Variants in TBC1D8 observed in about 807,000 individuals in gnomAD.
TBC1D8 encodes TBC1 domain family member 8, also known as BUB2-like protein 1.
TBC1D8 carries 65 observed loss-of-function variants against 118.8 expected under a neutral mutation model. The observed-to-expected ratio is 0.55, with a 90% confidence interval of 0.45 to 0.67. The LOEUF is 0.67. Ranked by LOEUF, TBC1D8 falls within the 30% of genes least tolerant of loss-of-function variation. The probability of loss-of-function intolerance (pLI) is 0.00; values close to 1 mark genes in which losing one functional copy is unlikely to be tolerated. For missense variants in TBC1D8, 1,376 were observed against 1,471.2 expected (o/e 0.94, Z 1.06); for synonymous variants, 566 against 595.8 (o/e 0.95, Z 0.73).
intron 1 of TBC1D8, among the ~76,000 whole-genome samples, chr2:101,110,257 C>G (rs150047191): frequency 7.6e-4 from 115 of 152,316 alleles, no homozygotes; most frequent in African/African-American, 2.6e-3. Flanking sequence ...CTCAGAGAAG[C>G]CTTCCCATGG....
At chr2:101,031,453 G>T (rs1031794807) in intron 11 of TBC1D8, among the ~76,000 whole-genome samples, 13 of 152,208 alleles carry the variant, frequency 8.5e-5, no homozygotes, top group African/African-American at 3.1e-4. Context: ...ATATCCACTC[G>T]GTTGCTAAAT....
At chr2:101,087,073 C>G (rs996914036) in intron 2 of TBC1D8, among the ~76,000 whole-genome samples, 7 of 152,026 alleles carry the variant, frequency 4.6e-5, no homozygotes, top group African/African-American at 1.4e-4. Context: ...AGTGAGCCAC[C>G]GCGCCCGGCT....
chr2:101,089,084 C>G (rs1675835022), intron 2 of TBC1D8, among the ~76,000 whole-genome samples: 1 of 152,166 alleles, frequency 6.6e-6, no homozygotes, highest in South Asian at 2.1e-4. Flanking sequence ...CGTGGTGGCT[C>G]ATGCCTGTAA....
rs1680560548 is a variant in TBC1D8, at chr2:101,029,692, G to GC, written c.2020dup (p.Ala674GlyfsTer33). 6.2e-7 allele frequency: 1 copy of GC among 1,613,910 alleles called. No homozygotes were observed. The highest frequency in any genetic ancestry group is 1.7e-5 in the Admixed American group (1 of 60,004). ...CCACGAGAGAGAGACGGACGCCAGG[G>GC]CTGAGAGGTCGTTCATGTGCTCTGC... On this transcript the variant is annotated frameshift_variant, in exon 12 of 20. Transcript: ENST00000409318. LOFTEE classifies it high-confidence loss of function.
intron 2 of TBC1D8, among the ~76,000 whole-genome samples, chr2:101,064,461 GCAAACTAATGCAGC>G (rs1212960438): frequency 6.6e-6 from 1 of 152,152 alleles, no homozygotes; most frequent in East Asian, 1.9e-4. Context: ...AGCAGCTCTA[GCAAACTAATGCAGC>G]TGTCTAAAAC....
At chr2:101,117,182 G>A (rs966702797) in intron 1 of TBC1D8, among the ~76,000 whole-genome samples, 2 of 152,156 alleles carry the variant, frequency 1.3e-5, no homozygotes, top group South Asian at 2.1e-4. Flanking sequence ...GTTTCAGAGG[G>A]AGCATGGTGG....
chr2:101,071,215 G>A (rs761681228), intron 2 of TBC1D8, among the ~76,000 whole-genome samples: 3 of 151,978 alleles, frequency 2.0e-5, no homozygotes, highest in Non-Finnish European at 4.4e-5. Flanking sequence ...GGTGGTGGGC[G>A]CCTATTATAG....
At position 101,037,574 on chromosome 2, in the gene TBC1D8, G is replaced by A. The variant is rs146126229; in HGVS notation, c.1410C>T (p.Thr470=). The part of the protein sequence containing the change: ...SPLMHPDALV[T]AFQQSGSQSP... ...TCTGGCTGCCTGACTGCTGGAAGGCGGTGACCAGGGCATCGGGGTGCATCA... is the reference window on the plus strand; with the variant it reads ...TCTGGCTGCCTGACTGCTGGAAGGCAGTGACCAGGGCATCGGGGTGCATCA... The change falls in exon 8 of 20, where the codon ACC becomes ACT. Residue 470 remains threonine (T), a synonymous_variant. Coordinates refer to ENST00000409318, the MANE Select transcript of TBC1D8 (RefSeq NM_001330348.2). The A allele has an allele frequency of 7.5e-5, 121 of 1,613,050 alleles. No homozygotes were observed. In the East Asian group the frequency reaches 2.1e-3, roughly 29 times the overall value.
chr2:101,009,897 C>A (rs1392428360), intron 19 of TBC1D8, among the ~76,000 whole-genome samples: 4 of 150,558 alleles, frequency 2.7e-5, no homozygotes, highest in Non-Finnish European at 4.4e-5. Context: ...TCTCGGCTCA[C>A]TGCAAGCTCC....
intron 5 of TBC1D8, among the ~76,000 whole-genome samples, chr2:101,046,738 G>A (rs571336814): frequency 2.6e-5 from 4 of 152,262 alleles, no homozygotes; most frequent in South Asian, 4.1e-4. Flanking sequence ...AGCCAGACCC[G>A]AGAGTTCAGA....
intron 2 of TBC1D8, among the ~76,000 whole-genome samples, chr2:101,089,710 G>A (rs868228580): frequency 1.3e-5 from 2 of 152,066 alleles, no homozygotes; most frequent in African/African-American, 4.8e-5. Context: ...AATAGGAGAA[G>A]ACTGCCCTGA....
intron 1 of TBC1D8, among the ~76,000 whole-genome samples, chr2:101,093,734 G>C (rs1574020425): frequency 6.6e-6 from 1 of 151,934 alleles, no homozygotes; most frequent in Non-Finnish European, 1.5e-5. Flanking sequence ...AAAAGAGATG[G>C]AGGGTCACTC....
chr2:101,133,317 T>C (rs1678680856), intron 1 of TBC1D8, among the ~76,000 whole-genome samples: 1 of 152,122 alleles, frequency 6.6e-6, no homozygotes, highest in South Asian at 2.1e-4. Flanking sequence ...GCTTCTGGGA[T>C]CATGATCTCT....
chr2:101,069,535 G>C (rs376060562), intron 2 of TBC1D8, among the ~76,000 whole-genome samples: 1 of 152,134 alleles, frequency 6.6e-6, no homozygotes, highest in Non-Finnish European at 1.5e-5. Flanking sequence ...GCAGTGAGCC[G>C]AGATCGTGCC....
Position 101,079,746 on chromosome 2 carries a change from T to C in TBC1D8, c.283+10463A>G, listed in dbSNP as rs1160802529. On this transcript the variant is annotated intron_variant, in intron 2 of 19. Transcript: ENST00000409318. ...TGTCGCCCAGGCTGGAGTGCAGTGGTGCGATCTCGGCTCACTACAAGCTCC... is the reference window on the plus strand; with the variant it reads ...TGTCGCCCAGGCTGGAGTGCAGTGGCGCGATCTCGGCTCACTACAAGCTCC... Among the ~76,000 whole-genome samples the C allele has an allele frequency of 1.0e-4, 13 of 128,572 alleles. No individual in the cohort carries two copies. The South Asian group carries it at 1.1e-3, about 11-fold the overall frequency. 84.3% of individuals were successfully genotyped at this position (128,572 alleles called of 152,430 possible).
intron 15 of TBC1D8, among the ~76,000 whole-genome samples, chr2:101,025,120 T>C (rs2105380589): frequency 6.6e-6 from 1 of 152,306 alleles, no homozygotes; most frequent in Non-Finnish European, 1.5e-5. Context: ...TGTGTATTTA[T>C]AGATAGATAC....
chr2:101,151,185 G>T lies in TBC1D8; in HGVS notation c.69C>A (p.Ser23Arg). Residue 23 changes from serine to arginine, a missense_variant, in exon 1 of 20, where the codon AGC (serine) becomes AGA (arginine). Transcript: ENST00000409318. ...ALKLWVTQKSSCYFILQRRRG... is the reference protein window; with the variant it reads ...ALKLWVTQKSRCYFILQRRRG... ...GGCGCCGCTGCAGGATGAAGTAGCA[G>T]CTGCTCTTCTGGGTCACCCAGAGCT... is the stretch of plus-strand genomic sequence containing the variant. 8.0e-7 allele frequency: 1 copy of T among 1,253,758 alleles called. No individual in the cohort carries two copies. The highest frequency in any genetic ancestry group is 1.0e-6 in the Non-Finnish European group (1 of 973,262). The allele number at this position is 1,253,758 out of a possible 1,614,324, so 77.7% of individuals were successfully genotyped here.
intron 17 of TBC1D8, among the ~76,000 whole-genome samples, chr2:101,021,042 T>G (rs946635552): frequency 3.9e-5 from 6 of 152,292 alleles, no homozygotes; most frequent in Non-Finnish European, 7.4e-5. Context: ...CAGGATATCA[T>G]GGCTCTAGAA....
At chr2:101,117,870 C>T (rs1273229601) in intron 1 of TBC1D8, among the ~76,000 whole-genome samples, 7 of 136,408 alleles carry the variant, frequency 5.1e-5, no homozygotes, top group African/African-American at 1.1e-4. Flanking sequence ...CCACCGCACC[C>T]GGCCTTTTTT....
Sources: allele counts gnomAD v4.1 joint callset (sites outside exome capture counted in the v4.1 genomes callset), GRCh38; gene constraint gnomAD v4.1.1; transcripts MANE v1.5; gene names NCBI Gene and HGNC (gene_info 2026-07-23, HGNC 2026-07-21).